ARID2: variants seen among roughly 807,000 people sequenced by gnomAD.
ARID2 encodes AT-rich interactive domain-containing protein 2.
ARID2 carries 32 observed loss-of-function variants against 184.6 expected under a neutral mutation model. The observed-to-expected ratio is 0.17, with a 90% CI of 0.13 to 0.23. The LOEUF is 0.23. Ranked by LOEUF, ARID2 falls within the 10% of genes least tolerant of loss-of-function variation. ARID2 has a pLI of 1.00. For synonymous variants in ARID2, 836 were observed against 772.6 expected, an observed-to-expected ratio of 1.08 and a Z score of -1.36; for missense variants, 1,696 against 2,197.6, an observed-to-expected ratio of 0.77 and a Z score of 4.56.
intron 3 of ARID2, among the ~76,000 whole-genome samples, chr12:45,809,630 TG>T (rs1450695805): frequency 6.6e-6 from 1 of 152,248 alleles, no homozygotes; most frequent in Non-Finnish European, 1.5e-5. Flanking sequence ...TCTGTGTATA[TG>T]TCTCTGCTTC....
rs111861645 is a variant in ARID2 at position 45,885,596 on chromosome 12, T to C, written c.4923-6184T>C. 7.4e-3 allele frequency among the ~76,000 whole-genome samples: 1,122 copies of C among 152,312 alleles called. 12 individuals carry two copies. The highest frequency in any genetic ancestry group is 0.026 in the African/African-American group (1,066 of 41,564). On this transcript the variant is annotated intron_variant, in intron 16 of 20. Transcript: ENST00000334344. The stretch of plus-strand genomic sequence containing the variant: ...AAACTATCTGTATTGTCCATTCTTA[T>C]GCTGCTATAAAGAACTGCCAGAGAC...
intron 16 of ARID2, among the ~76,000 whole-genome samples, chr12:45,885,848 A>C (rs1429002606): frequency 1.3e-5 from 2 of 152,216 alleles, no homozygotes; most frequent in Non-Finnish European, 1.5e-5. Flanking sequence ...TAACCCCATG[A>C]TTCAGTTACC....
At chr12:45,745,190 A>C (rs905754007) in intron 3 of ARID2, among the ~76,000 whole-genome samples, 1 of 152,244 alleles carries the variant, frequency 6.6e-6, no homozygotes, top group Non-Finnish European at 1.5e-5. Flanking sequence ...AGCTTTCAGC[A>C]CCTGAAAATT....
intron 3 of ARID2, among the ~76,000 whole-genome samples, chr12:45,762,208 CTT>C (rs1757244324): frequency 6.6e-6 from 1 of 152,116 alleles, no homozygotes. Context: ...TTAAATATCT[CTT>C]TAATTTTTCC....
At chr12:45,764,143 TAAC>T (rs1181273949) in intron 3 of ARID2, among the ~76,000 whole-genome samples, 1 of 152,152 alleles carries the variant, frequency 6.6e-6, no homozygotes, top group Non-Finnish European at 1.5e-5. Flanking sequence ...CTAGTACACT[TAAC>T]TATTAAAATT....
In ARID2 at chr12:45,907,363, G is replaced by A. The variant is rs973984089; in HGVS notation, c.*2285G>A. 8.6e-6 allele frequency: 2 copies of A among 233,204 alleles called. No homozygotes were observed. The highest frequency in any genetic ancestry group is 4.4e-5 in the African/African-American group (2 of 45,314). The allele number at this position is 233,204 out of a possible 1,614,324, so 14.4% of individuals were successfully genotyped here. On this transcript the variant is annotated 3_prime_UTR_variant, in exon 21 of 21. Coordinates refer to ENST00000334344, the MANE Select transcript of ARID2 (RefSeq NM_152641.4). ...CAGTGGTAATTAAATTAATAGAAAA[G>A]AGAACAAACTGCAGGTTTAGAAAAA...
chr12:45,905,063 A>T lies in ARID2; in HGVS notation c.5493A>T (p.Ser1831=). The change falls in exon 21 of 21, where the codon TCA becomes TCT. Residue 1831 remains serine, a synonymous_variant. Transcript: ENST00000334344. ...TVQSKEQEKD[S]EMLQ ...AGAGTAAGGAACAAGAAAAAGACTC[A>T]GAAATGCTGCAGTGAAAAATAATTC... The T allele has an allele frequency of 6.2e-7, 1 of 1,613,628 alleles. No individual in the cohort carries two copies. The highest frequency in any genetic ancestry group is 8.5e-7 in the Non-Finnish European group (1 of 1,179,782).
intron 3 of ARID2, among the ~76,000 whole-genome samples, chr12:45,793,730 C>CATAT (rs550416206): frequency 1.1e-4 from 17 of 150,204 alleles, no homozygotes; most frequent in African/African-American, 3.9e-4. Context: ...AGATATTCTA[C>CATAT]ATATATATAT....
intron 3 of ARID2, among the ~76,000 whole-genome samples, chr12:45,746,085 A>T (rs1259366209): frequency 6.6e-6 from 1 of 150,680 alleles, no homozygotes; most frequent in Non-Finnish European, 1.5e-5. Flanking sequence ...GAAGTAATAG[A>T]TAGATTCTGG....
intron 3 of ARID2, among the ~76,000 whole-genome samples, chr12:45,752,384 C>T (rs1941480839): frequency 6.6e-6 from 1 of 152,150 alleles, no homozygotes; most frequent in African/African-American, 2.4e-5. Flanking sequence ...AGCACGGTGT[C>T]TGGTTCATGA....
At chr12:45,867,072 T>C (rs1480151620) in intron 16 of ARID2, among the ~76,000 whole-genome samples, 1 of 152,024 alleles carries the variant, frequency 6.6e-6, no homozygotes, top group African/African-American at 2.4e-5. Context: ...TGGCTCATCT[T>C]CCTGAGTAGC....
intron 3 of ARID2, among the ~76,000 whole-genome samples, chr12:45,778,065 G>A (rs1942018201): frequency 6.6e-6 from 1 of 152,102 alleles, no homozygotes; most frequent in Admixed American, 6.6e-5. Context: ...AATTAGCCGG[G>A]TGTGGTGGCA....
intron 11 of ARID2, among the ~76,000 whole-genome samples, chr12:45,843,674 T>C (rs573772036): frequency 6.6e-6 from 1 of 152,252 alleles, no homozygotes; most frequent in East Asian, 1.9e-4. Context: ...GTTGGGAAAA[T>C]TGAAATATTG....
chr12:45,761,020 C>T (rs1941668246), intron 3 of ARID2, among the ~76,000 whole-genome samples: 1 of 152,104 alleles, frequency 6.6e-6, no homozygotes, highest in Non-Finnish European at 1.5e-5. Context: ...AGCCATTGTT[C>T]CTGGCCTGGA....
chr12:45,901,193 C>T (rs1293441102), intron 20 of ARID2, among the ~76,000 whole-genome samples: 1 of 76,560 alleles, frequency 1.3e-5, no homozygotes, highest in African/African-American at 5.8e-5. Flanking sequence ...TTTTTTGAGA[C>T]AGAGTCTCGC....
chr12:45,808,590 A>T (rs1322853551), intron 3 of ARID2, among the ~76,000 whole-genome samples: 1 of 152,232 alleles, frequency 6.6e-6, no homozygotes, highest in East Asian at 1.9e-4. Flanking sequence ...ATGGTTTATT[A>T]TGAGTATATA....
chr12:45,787,323 T>C (rs530381344), intron 3 of ARID2, among the ~76,000 whole-genome samples: 9 of 151,762 alleles, frequency 5.9e-5, no homozygotes, highest in Admixed American at 2.6e-4. Context: ...GCTCAAGTGA[T>C]CCTCCTGCCT....
rs557698433 is a variant in ARID2, at chr12:45,843,378, T to C, written c.1499-3478T>C. On this transcript the variant is annotated intron_variant, in intron 11 of 20. Transcript: ENST00000334344. ...GTGGGACCTGAGATGTTTTCTTCTT[T>C]TTTTTTTTTTTTCTAAAGACAGCGT... 7.1e-3 allele frequency among the ~76,000 whole-genome samples: 1,073 copies of C among 151,312 alleles called. 10 individuals carry two copies. Among genetic ancestry groups the C allele is most frequent in the African/African-American group, 0.024 (1,002 of 41,300 alleles).
At chr12:45,890,675 T>G (rs1462118455) in intron 16 of ARID2, among the ~76,000 whole-genome samples, 1 of 152,204 alleles carries the variant, frequency 6.6e-6, no homozygotes, top group African/African-American at 2.4e-5. Context: ...TTACTCTTTC[T>G]GACATTGTGT....
Sources: gnomAD v4.1 joint callset for allele counts (sites outside exome capture counted in the v4.1 genomes callset) on GRCh38, gnomAD v4.1.1 for gene constraint, MANE v1.5 for transcripts, NCBI Gene and HGNC (gene_info 2026-07-23, HGNC 2026-07-21) for gene names.